The following LAMA2 variants were observed in gnomAD, a reference collection of about 807,000 sequenced individuals.
LAMA2 encodes laminin subunit alpha-2.
A neutral mutation model predicts 364.8 loss-of-function variants in LAMA2; 269 were observed. That is an observed-to-expected ratio of 0.74 (90% CI 0.67 to 0.82). The LOEUF is 0.82. Among genes scored for constraint, LAMA2 ranks in the 40% least tolerant of loss-of-function variants. The pLI is 0.00. For missense variants in LAMA2, 3,807 were observed against 3,873.2 expected (o/e 0.98, Z 0.45); for synonymous variants, 1,379 against 1,370.6 (o/e 1.01, Z -0.14).
At chr6:128,992,215 C>T (rs1167079950) in intron 1 of LAMA2, among the ~76,000 whole-genome samples, 4 of 152,284 alleles carry the variant, frequency 2.6e-5, no homozygotes, top group East Asian at 1.9e-4. Flanking sequence ...AGTGAGCAAG[C>T]GCAACTGATC....
At chr6:129,066,990 A>G (rs138082854) in intron 3 of LAMA2, among the ~76,000 whole-genome samples, 12 of 152,376 alleles carry the variant, frequency 7.9e-5, no homozygotes, top group African/African-American at 2.6e-4. Flanking sequence ...GAAAAGTTCC[A>G]TGACATTGGT....
chr6:129,145,387 A>G (rs188061068), intron 5 of LAMA2, among the ~76,000 whole-genome samples: 1 of 152,152 alleles, frequency 6.6e-6, no homozygotes, highest in Non-Finnish European at 1.5e-5. Context: ...CTTGTATTAT[A>G]CCTCAACATA....
chr6:129,090,138 T>C (rs116205251), intron 3 of LAMA2, among the ~76,000 whole-genome samples: 3,640 of 152,268 alleles, frequency 0.024, 161 homozygotes, highest in African/African-American at 0.081. Context: ...GCTTTTTTAT[T>C]CTGATATAAA....
Position 129,200,285 on chromosome 6 carries a change from C to A in LAMA2, c.1782+7432C>A, listed in dbSNP as rs536916009. Among the ~76,000 whole-genome samples, 11 of 136,210 alleles carry A rather than the reference C, an allele frequency of 8.1e-5. 2 individuals are homozygous for A. The highest frequency in any genetic ancestry group is 3.1e-4 in the African/African-American group (11 of 35,662). 89.4% of individuals were successfully genotyped at this position (136,210 alleles called of 152,430 possible). A position where few individuals can be genotyped will look rare whatever the true frequency, so the allele number is the denominator to read the frequency against. Reference sequence around the variant, plus strand: ...ACACATATACATGTGTATATATATACGTGTACACATATACATGTGTGTATA... The same window carrying A: ...ACACATATACATGTGTATATATATAAGTGTACACATATACATGTGTGTATA... On this transcript the variant is annotated intron_variant, in intron 12 of 64. Coordinates refer to ENST00000421865, the MANE Select transcript of LAMA2 (RefSeq NM_000426.4).
chr6:128,930,697 G>C (rs1009956990), intron 1 of LAMA2, among the ~76,000 whole-genome samples: 26 of 152,220 alleles, frequency 1.7e-4, no homozygotes, highest in African/African-American at 6.0e-4. Flanking sequence ...TCCCTTAACT[G>C]ATTTTTCTAC....
intron 2 of LAMA2, among the ~76,000 whole-genome samples, chr6:129,058,870 C>T (rs11968323): frequency 0.023 from 3,502 of 152,114 alleles, 132 homozygotes; most frequent in African/African-American, 0.081. Flanking sequence ...CCCTTCTTCA[C>T]GGGGGAGGGA....
chr6:129,319,360 C>T (rs1774811660), intron 27 of LAMA2, among the ~76,000 whole-genome samples: 1 of 152,072 alleles, frequency 6.6e-6, no homozygotes, highest in South Asian at 2.1e-4. Context: ...AAGCCACTCA[C>T]ATTTTAAAAA....
intron 20 of LAMA2, chr6:129,293,024 C>T: frequency 1.1e-5 from 11 of 985,928 alleles, no homozygotes; most frequent in Non-Finnish European, 1.3e-5. Flanking sequence ...CTATCGGCAG[C>T]TCCAGCGGGT....
chr6:129,048,970 A>G (rs1787803497), intron 1 of LAMA2, among the ~76,000 whole-genome samples: 1 of 152,130 alleles, frequency 6.6e-6, no homozygotes, highest in Non-Finnish European at 1.5e-5. Context: ...GCACATATAT[A>G]GAGCTGAAAC....
chr6:129,113,474 C>T (rs541793553), intron 4 of LAMA2, among the ~76,000 whole-genome samples: 4 of 152,022 alleles, frequency 2.6e-5, no homozygotes, highest in South Asian at 2.1e-4. Flanking sequence ...CAGACAGAAA[C>T]GCCAAAAGTC....
chr6:129,229,125 A>C (rs1478805), intron 12 of LAMA2, among the ~76,000 whole-genome samples: 17,153 of 152,214 alleles, frequency 0.11, 1,134 homozygotes, highest in East Asian at 0.3. Flanking sequence ...GACCTCATGA[A>C]GCTTACATTC....
chr6:129,298,873 T>C (rs1211601072), intron 21 of LAMA2, among the ~76,000 whole-genome samples: 3 of 152,086 alleles, frequency 2.0e-5, no homozygotes, highest in African/African-American at 7.2e-5. Flanking sequence ...AAGTTTATAA[T>C]TGTAGATCCT....
intron 12 of LAMA2, among the ~76,000 whole-genome samples, chr6:129,214,544 CT>C (rs1783303756): frequency 6.6e-6 from 1 of 152,140 alleles, no homozygotes; most frequent in South Asian, 2.1e-4. Context: ...ACTTTCCTTT[CT>C]TCATTGAATT....
chr6:129,179,887 CAAT>C (rs779186255), intron 10 of LAMA2, among the ~76,000 whole-genome samples: 2 of 152,116 alleles, frequency 1.3e-5, no homozygotes, highest in Non-Finnish European at 1.5e-5. Context: ...TTATATATCA[CAAT>C]AATATCACAA....
intron 49 of LAMA2, among the ~76,000 whole-genome samples, chr6:129,462,829 G>C (rs943073724): frequency 6.6e-6 from 1 of 151,954 alleles, no homozygotes; most frequent in African/African-American, 2.4e-5. Flanking sequence ...TCCTACTAAA[G>C]AGCAGGAGTG....
intron 1 of LAMA2, among the ~76,000 whole-genome samples, chr6:129,046,948 G>C (rs1159346852): frequency 1.3e-5 from 2 of 152,092 alleles, no homozygotes; most frequent in Non-Finnish European, 1.5e-5. Flanking sequence ...GGCATAATAT[G>C]TGCTCAAAAC....
At chr6:129,412,556 C>T (rs1486691695) in intron 40 of LAMA2, among the ~76,000 whole-genome samples, 1 of 150,726 alleles carries the variant, frequency 6.6e-6, no homozygotes, top group Non-Finnish European at 1.5e-5. Context: ...CTGGAAAAGA[C>T]AAAAAAAGAG....
At chr6:129,218,349 T>A in intron 12 of LAMA2, among the ~76,000 whole-genome samples, 1 of 152,132 alleles carries the variant, frequency 6.6e-6, no homozygotes, top group East Asian at 1.9e-4. Flanking sequence ...TATTCAAAAA[T>A]GTTTACAGTA....
intron 35 of LAMA2, among the ~76,000 whole-genome samples, chr6:129,385,843 T>A (rs1778985689): frequency 6.6e-6 from 1 of 152,204 alleles, no homozygotes; most frequent in African/African-American, 2.4e-5. Flanking sequence ...CTATTCTTAA[T>A]AAATTTACCC....
Sources: allele counts gnomAD v4.1 joint callset (sites outside exome capture counted in the v4.1 genomes callset), GRCh38; gene constraint gnomAD v4.1.1; transcripts MANE v1.5; gene names NCBI Gene and HGNC (gene_info 2026-07-23, HGNC 2026-07-21).